BICRA: variants seen among roughly 807,000 people sequenced by gnomAD.
BICRA encodes the protein BRD4 interacting chromatin remodeling complex associated protein.
Under a neutral mutation model 96.9 loss-of-function variants are expected in BICRA, and 31 were observed. The ratio of observed to expected loss-of-function variants is 0.32; its 90% CI spans 0.24 to 0.43. The LOEUF is 0.43. BICRA is among the 20% of genes least tolerant of loss of function. BICRA has a pLI of 1.00. For missense variants in BICRA, 2,283 were observed against 2,190.3 expected, an observed-to-expected ratio of 1.04 and a Z score of -0.84; for synonymous variants, 1,350 against 1,071.8, an observed-to-expected ratio of 1.26 and a Z score of -5.07.
Position 47,680,635 on chromosome 19 carries a change from C to T in BICRA, c.1465C>T (p.Leu489=), listed in dbSNP as rs559295966. The T allele has an allele frequency of 1.1e-5, 18 of 1,610,152 alleles. 1 individual carries two copies. The African/African-American group carries it at 2.0e-4, about 18-fold the overall frequency. The part of the protein sequence containing the change: ...AVQLPQQLSA[L]PANVGGQILA... ...CCAGCTCCCGCAGCAGCTCTCAGCC[C>T]TGCCGGCCAACGTGGGCGGGCAGAT... is the stretch of plus-strand genomic sequence containing the variant. Residue 489 remains leucine, a synonymous_variant, in exon 6 of 15, where the codon CTG becomes TTG. Transcript: ENST00000594866.
At chr19:47,668,179 G>A (rs989700171) in intron 1 of BICRA, among the ~76,000 whole-genome samples, 3 of 152,190 alleles carry the variant, frequency 2.0e-5, no homozygotes, top group African/African-American at 7.2e-5. Flanking sequence ...GCAGTGAGCC[G>A]AGATCGCGTC....
At chr19:47,643,259 T>C (rs1469409176) in intron 1 of BICRA, among the ~76,000 whole-genome samples, 2 of 152,262 alleles carry the variant, frequency 1.3e-5, no homozygotes, top group Non-Finnish European at 2.9e-5. Flanking sequence ...CATGAACCAC[T>C]GTGCCTGGTC....
chr19:47,661,583 C>T (rs1172187430), intron 1 of BICRA: 2 of 152,168 alleles, frequency 1.3e-5, no homozygotes, highest in African/African-American at 4.8e-5. Context: ...ATTTACCAAT[C>T]GGTAGGTCAG....
chr19:47,655,670 C>T (rs10413744), intron 1 of BICRA, among the ~76,000 whole-genome samples: 3,156 of 147,826 alleles, frequency 0.021, 90 homozygotes, highest in African/African-American at 0.07. Context: ...CTGGCCAACA[C>T]GGTGAAACCC....
rs138322673 is a variant in BICRA at position 47,623,383 on chromosome 19, C to G, written c.-108+14215C>G. Among the ~76,000 whole-genome samples the G allele has an allele frequency of 1.4e-4, 22 of 152,304 alleles. No homozygotes were observed. In the East Asian group the frequency reaches 4.1e-3, roughly 28 times the overall value. On this transcript the variant is annotated intron_variant, in intron 1 of 14. Transcript: ENST00000594866. ...GGGCTGCAGGTAGTACAGTTCACTT[C>G]AAATCCTCATGAGGGTCAGACCCCC... is the stretch of plus-strand genomic sequence containing the variant.
intron 1 of BICRA, among the ~76,000 whole-genome samples, chr19:47,640,895 A>ATTTTTTTTT (rs35232398): frequency 1.1e-5 from 1 of 95,226 alleles, no homozygotes. Context: ...TCAGAGTCAG[A>ATTTTTTTTT]TTTTTTTTTT....
chr19:47,611,080 G>T (rs1025518880), intron 1 of BICRA, among the ~76,000 whole-genome samples: 3 of 152,166 alleles, frequency 2.0e-5, no homozygotes, highest in African/African-American at 7.2e-5. Context: ...GGCTCAGAGA[G>T]GTTAAGAAGC....
chr19:47,665,831 A>T (rs1972770270), intron 1 of BICRA, among the ~76,000 whole-genome samples: 1 of 152,158 alleles, frequency 6.6e-6, no homozygotes, highest in Non-Finnish European at 1.5e-5. Flanking sequence ...GTTTGGAAGG[A>T]TTCAAAGAAC....
intron 1 of BICRA, among the ~76,000 whole-genome samples, chr19:47,610,242 C>T (rs889621210): frequency 6.6e-6 from 1 of 152,218 alleles, no homozygotes; most frequent in Non-Finnish European, 1.5e-5. Flanking sequence ...TTTCCCATCC[C>T]TGGCTGCCCC....
rs749101461 is a variant in BICRA at position 47,680,925 on chromosome 19, G to T, written c.1755G>T (p.Gly585=). 9 of 1,478,104 alleles carry T rather than the reference G, an allele frequency of 6.1e-6. No homozygotes were observed. The South Asian group carries it at 6.7e-5, about 11-fold the overall frequency. 91.6% of individuals were successfully genotyped at this position (1,478,104 alleles called of 1,614,324 possible). The stretch of plus-strand genomic sequence containing the variant: ...CGGCCGCCACCACTGTCCTCCAGGG[G>T]GTCACCCTGCCCCCCAGCGCCGTGG... ...AGPAATTVLQ[G]VTLPPSAVAM... is the part of the protein sequence containing the mutation. Residue 585 remains glycine (G), a synonymous_variant, in exon 6 of 15, where the codon GGG becomes GGT. Transcript: ENST00000594866.
rs1310427996 is a variant in BICRA, at chr19:47,699,447, C to T, written c.3595+42C>T. On this transcript the variant is annotated intron_variant, in intron 14 of 14. Transcript: ENST00000594866. This position sits in a 1 kb window ranked among gnomAD's most constrained non-coding sequence, Gnocchi z 5.0. ...AGAGGGGAGGGGAGGGAGAGGTGCC[C>T]CCACCCCACCTGGGCAGAAGAGTTA... The T allele has an allele frequency of 9.0e-7, 1 of 1,110,720 alleles. No homozygotes were observed. Among genetic ancestry groups the T allele is most frequent in the Admixed American group, 2.0e-5 (1 of 50,284 alleles). The allele number at this position is 1,110,720 out of a possible 1,614,324, so 68.8% of individuals were successfully genotyped here.
In BICRA at chr19:47,695,442, TCCTCCGGGCCAGGGAAGC is replaced by T; in HGVS notation, c.3164_3181del (p.Pro1055_Gly1060del). On this transcript the variant is annotated inframe_deletion, in exon 10 of 15. Transcript: ENST00000594866. ...GACCCTGAATGTGGCCAAGGCCGCTTCCTCCGGGCCAGGGAAGCCCTCCGGGCTGCAGGTAAGGGGCCC... is the reference window on the plus strand; with the variant it reads ...GACCCTGAATGTGGCCAAGGCCGCTTCCTCCGGGCTGCAGGTAAGGGGCCC... 2.5e-6 allele frequency: 4 copies of T among 1,588,704 alleles called. No individual in the cohort carries two copies.
chr19:47,615,686 G>C (rs66531872), intron 1 of BICRA: 20,460 of 152,112 alleles, frequency 0.13, 1,410 homozygotes, highest in East Asian at 0.21. Flanking sequence ...GGTGTCACCT[G>C]TCATTCTTAG....
chr19:47,608,666 G>C (rs1971844929), upstream of BICRA, among the ~76,000 whole-genome samples: 1 of 151,702 alleles, frequency 6.6e-6, no homozygotes, highest in African/African-American at 2.4e-5. Context: ...GAACCCCCGG[G>C]ACTGGGGCTG....
At chr19:47,695,344 C>CCA (rs1568577662) in intron 9 of BICRA, 21 bp from the exon 10 acceptor site, 8 of 513,684 alleles carry the variant, frequency 1.6e-5, no homozygotes, top group South Asian at 4.1e-5. Flanking sequence ...GCCCTGTCTC[C>CCA]CCCACCCCAC....
At chr19:47,662,388 A>T (rs1241233251) in intron 1 of BICRA, 1 of 152,392 alleles carries the variant, frequency 6.6e-6, no homozygotes, top group Non-Finnish European at 1.5e-5. Context: ...AGAATCACAC[A>T]CCATCGGCCA....
At chr19:47,614,681 C>T (rs538507275) in intron 1 of BICRA, among the ~76,000 whole-genome samples, 1 of 152,324 alleles carries the variant, frequency 6.6e-6, no homozygotes, top group Non-Finnish European at 1.5e-5. Context: ...GTAGTCTGGT[C>T]TATGCATTGC....
At chr19:47,612,536 G>A (rs917961223) in intron 1 of BICRA, among the ~76,000 whole-genome samples, 3 of 152,102 alleles carry the variant, frequency 2.0e-5, no homozygotes, top group Non-Finnish European at 4.4e-5. Context: ...TCAGTGACAC[G>A]CACCCTCTGA....
At chr19:47,646,309 G>T (rs746334364) in intron 1 of BICRA, among the ~76,000 whole-genome samples, 1 of 152,180 alleles carries the variant, frequency 6.6e-6, no homozygotes, top group African/African-American at 2.4e-5. Flanking sequence ...ATGGGTCCCT[G>T]CTGGAAACTT....
Sources: gnomAD v4.1 joint callset for allele counts (sites outside exome capture counted in the v4.1 genomes callset) on GRCh38, gnomAD v4.1.1 for gene constraint, Gnocchi (gnomAD v3.1) non-coding constraint, MANE v1.5 for transcripts, NCBI Gene and HGNC (gene_info 2026-07-23, HGNC 2026-07-21) for gene names.